Variants in ERBB4 observed in about 807,000 individuals in gnomAD.
ERBB4 encodes the protein erb-b2 receptor tyrosine kinase 4, also known as receptor tyrosine-protein kinase erbB-4.
Under a neutral mutation model 158.0 loss-of-function variants are expected in ERBB4, and 42 were observed. The observed-to-expected ratio is 0.27, with a 90% CI of 0.21 to 0.34. The LOEUF (loss-of-function observed/expected upper bound fraction) is 0.34, where lower values mean the gene tolerates loss of function less well. Among genes scored for constraint, ERBB4 ranks in the 10% least tolerant of loss-of-function variants. The pLI is 1.00. For synonymous variants in ERBB4, 583 were observed against 558.7 expected (o/e 1.04, Z -0.61); for missense variants, 1,333 against 1,624.1 (o/e 0.82, Z 3.08).
intron 2 of ERBB4, among the ~76,000 whole-genome samples, chr2:212,107,688 T>G (rs1404166510): frequency 4.6e-5 from 7 of 152,188 alleles, no homozygotes; most frequent in Non-Finnish European, 8.8e-5. Flanking sequence ...AAATCTCATC[T>G]TGAATTGTAG....
chr2:211,687,109 A>C (rs1247584552), intron 12 of ERBB4, among the ~76,000 whole-genome samples: 1 of 146,870 alleles, frequency 6.8e-6, no homozygotes, highest in Non-Finnish European at 1.5e-5. Flanking sequence ...TCCTGGGCTA[A>C]CATGGTGAAA....
intron 1 of ERBB4, among the ~76,000 whole-genome samples, chr2:212,508,200 G>C (rs1227574284): frequency 6.6e-6 from 1 of 152,144 alleles, no homozygotes; most frequent in Non-Finnish European, 1.5e-5. Flanking sequence ...ACAGATAACA[G>C]TATAGTAGAA....
chr2:211,467,327 A>C (rs2064718924), intron 20 of ERBB4, among the ~76,000 whole-genome samples: 1 of 152,174 alleles, frequency 6.6e-6, no homozygotes. Context: ...AAATAGGAGC[A>C]CTGGTATCTG....
At chr2:212,437,492 CAAA>C (rs10714742) in intron 1 of ERBB4, among the ~76,000 whole-genome samples, 21 of 127,582 alleles carry the variant, frequency 1.6e-4, no homozygotes, top group Admixed American at 1.7e-4. Flanking sequence ...TGTTCTGATA[CAAA>C]AAAAAAAAAA....
intron 1 of ERBB4, among the ~76,000 whole-genome samples, chr2:212,518,204 C>T (rs1243199721): frequency 1.3e-5 from 2 of 151,870 alleles, no homozygotes; most frequent in African/African-American, 4.8e-5. Context: ...TCTAGATAAG[C>T]ACAATAAGCA....
At chr2:211,669,858 T>C (rs1391569936) in intron 14 of ERBB4, among the ~76,000 whole-genome samples, 1 of 152,228 alleles carries the variant, frequency 6.6e-6, no homozygotes, top group Non-Finnish European at 1.5e-5. Flanking sequence ...CATATCCTAC[T>C]GACGTGCTGA....
chr2:211,974,833 T>C (rs551612110), intron 2 of ERBB4, among the ~76,000 whole-genome samples: 1 of 152,338 alleles, frequency 6.6e-6, no homozygotes, highest in South Asian at 2.1e-4. Context: ...CTCATCTAAA[T>C]AATATTTTAA....
At chr2:211,404,226 G>A (rs1306263276) in intron 25 of ERBB4, among the ~76,000 whole-genome samples, 1 of 151,900 alleles carries the variant, frequency 6.6e-6, no homozygotes, top group Non-Finnish European at 1.5e-5. Flanking sequence ...CCTTGCTGCC[G>A]GTTCCATCAG....
intron 1 of ERBB4, among the ~76,000 whole-genome samples, chr2:212,158,900 T>C (rs2081120295): frequency 6.6e-6 from 1 of 151,970 alleles, no homozygotes; most frequent in Admixed American, 6.6e-5. Flanking sequence ...TATTATAGCA[T>C]ACAGAGTGGA....
At chr2:212,304,666 G>T (rs753266293) in intron 1 of ERBB4, among the ~76,000 whole-genome samples, 19 of 151,450 alleles carry the variant, frequency 1.3e-4, no homozygotes, top group Non-Finnish European at 1.5e-4. Context: ...TGCCACAAGG[G>T]TGGAAGGTTG....
chr2:211,711,071 G>A (rs6726364), intron 9 of ERBB4, among the ~76,000 whole-genome samples: 2,143 of 151,674 alleles, frequency 0.014, 49 homozygotes, highest in African/African-American at 0.048. Flanking sequence ...ACAATTATGG[G>A]GTGGCAGCTA....
chr2:211,875,810 T>C (rs970743883), intron 3 of ERBB4, among the ~76,000 whole-genome samples: 7 of 152,172 alleles, frequency 4.6e-5, no homozygotes, highest in African/African-American at 1.7e-4. Flanking sequence ...TACCATATTT[T>C]CTACTGTACC....
At chr2:211,884,722 C>G (rs1236851348) in intron 3 of ERBB4, among the ~76,000 whole-genome samples, 1 of 152,178 alleles carries the variant, frequency 6.6e-6, no homozygotes, top group African/African-American at 2.4e-5. Flanking sequence ...TGTCCAATTT[C>G]ATCAACTCAC....
At chr2:211,448,733 T>A (rs900960915) in intron 20 of ERBB4, among the ~76,000 whole-genome samples, 2 of 152,156 alleles carry the variant, frequency 1.3e-5, no homozygotes, top group African/African-American at 4.8e-5. Context: ...AGGTAAAATA[T>A]TTTCTGTAAA....
At chr2:212,032,988 G>A (rs1293754908) in intron 2 of ERBB4, among the ~76,000 whole-genome samples, 3 of 152,020 alleles carry the variant, frequency 2.0e-5, no homozygotes, top group African/African-American at 7.2e-5. Context: ...TTAGCAAGAT[G>A]ACTAATTTCA....
intron 1 of ERBB4, among the ~76,000 whole-genome samples, chr2:212,503,728 G>A (rs1691028059): frequency 6.6e-6 from 1 of 152,160 alleles, no homozygotes; most frequent in Non-Finnish European, 1.5e-5. Context: ...TCATGTTGTA[G>A]AAAACACAAA....
At chr2:211,624,438 G>A (rs1345415872) in intron 17 of ERBB4, among the ~76,000 whole-genome samples, 1 of 152,130 alleles carries the variant, frequency 6.6e-6, no homozygotes, top group Non-Finnish European at 1.5e-5. Flanking sequence ...CAAAACCCTA[G>A]GACAGGGCTG....
chr2:211,439,020 A>ATG (rs1386975595), intron 20 of ERBB4, among the ~76,000 whole-genome samples: 1 of 150,668 alleles, frequency 6.6e-6, no homozygotes, highest in African/African-American at 2.5e-5. Flanking sequence ...GTGTGTAAGC[A>ATG]TGTGTGTGTG....
intron 1 of ERBB4, among the ~76,000 whole-genome samples, chr2:212,164,240 T>A (rs1238968871): frequency 6.6e-6 from 1 of 152,076 alleles, no homozygotes; most frequent in Admixed American, 6.6e-5. Flanking sequence ...TGAATTGATA[T>A]GTGCTATTAA....
Sources: gnomAD v4.1 joint callset for allele counts (sites outside exome capture counted in the v4.1 genomes callset) on GRCh38, gnomAD v4.1.1 for gene constraint, MANE v1.5 for transcripts, NCBI Gene and HGNC (gene_info 2026-07-23, HGNC 2026-07-21) for gene names.